Variants in ARB2A observed in about 807,000 individuals in gnomAD.
ARB2A encodes the protein ARB2 cotranscriptional regulator A, also known as cotranscriptional regulator ARB2A.
At chr5:93,959,019 A>G in the ARB2A span, 1 of 1,262,286 alleles carries the variant, frequency 7.9e-7, no homozygotes, top group South Asian at 2.1e-5. Flanking sequence ...GATCAGGCAT[A>G]CACATAAATG....
At chr5:93,752,691 A>T in the ARB2A span, among the ~76,000 whole-genome samples, 1 of 152,296 alleles carries the variant, frequency 6.6e-6, no homozygotes, top group Admixed American at 6.5e-5. Flanking sequence ...GCAAATGATT[A>T]TATATACTAG....
At chr5:94,092,431 TG>T in the ARB2A span, among the ~76,000 whole-genome samples, 1 of 152,230 alleles carries the variant, frequency 6.6e-6, no homozygotes, top group Admixed American at 6.5e-5. Context: ...TTGGATAGCA[TG>T]GTTCCTGATA....
chr5:94,052,668 T>C, the ARB2A span, among the ~76,000 whole-genome samples: 1 of 152,224 alleles, frequency 6.6e-6, no homozygotes, highest in Admixed American at 6.5e-5. Flanking sequence ...ACTGAATTAA[T>C]AAATTTTAAA....
chr5:93,657,843 T>C, the ARB2A span, among the ~76,000 whole-genome samples: 2 of 152,114 alleles, frequency 1.3e-5, no homozygotes, highest in African/African-American at 4.8e-5. Context: ...TTTGATTCAA[T>C]CCCCAGGCTG....
the ARB2A span, among the ~76,000 whole-genome samples, chr5:93,998,310 G>A: frequency 6.7e-6 from 1 of 149,330 alleles, no homozygotes; most frequent in Non-Finnish European, 1.5e-5. Context: ...AAGTCAAATA[G>A]AGTTTATCTC....
At chr5:94,029,190 C>T in the ARB2A span, among the ~76,000 whole-genome samples, 1 of 152,106 alleles carries the variant, frequency 6.6e-6, no homozygotes, top group African/African-American at 2.4e-5. Context: ...TGGGGTTTTG[C>T]CATGCTGGCC....
the ARB2A span, among the ~76,000 whole-genome samples, chr5:93,790,508 C>G: frequency 9.9e-5 from 15 of 152,162 alleles, no homozygotes; most frequent in African/African-American, 3.4e-4. Flanking sequence ...GTACTAAGAT[C>G]TGATGATTGT....
the ARB2A span, among the ~76,000 whole-genome samples, chr5:93,878,873 T>C: frequency 2.0e-5 from 3 of 152,040 alleles, no homozygotes; most frequent in African/African-American, 7.2e-5. Context: ...CTACAGTAAT[T>C]ACTAGTCCTG....
At chr5:94,003,108 C>G in the ARB2A span, among the ~76,000 whole-genome samples, 9 of 152,290 alleles carry the variant, frequency 5.9e-5, no homozygotes, top group East Asian at 1.7e-3. Context: ...ATTCCAGCTA[C>G]TGGCACCATG....
At chr5:93,945,195 G>T in the ARB2A span, among the ~76,000 whole-genome samples, 3 of 152,034 alleles carry the variant, frequency 2.0e-5, no homozygotes, top group African/African-American at 4.8e-5. Context: ...ATAATCCCAA[G>T]ACTTTGAGAG....
the ARB2A span, among the ~76,000 whole-genome samples, chr5:93,978,865 G>A: frequency 6.6e-6 from 1 of 152,056 alleles, no homozygotes; most frequent in African/African-American, 2.4e-5. Flanking sequence ...GGTGGGGTGG[G>A]GGTTGAGGGT....
At chr5:93,817,856 T>G in the ARB2A span, among the ~76,000 whole-genome samples, 13 of 152,202 alleles carry the variant, frequency 8.5e-5, no homozygotes, top group Non-Finnish European at 1.5e-4. Context: ...TTGGACTTCA[T>G]CAAAATTAAA....
At chr5:93,870,680 G>A in the ARB2A span, among the ~76,000 whole-genome samples, 3 of 152,296 alleles carry the variant, frequency 2.0e-5, no homozygotes, top group Admixed American at 2.0e-4. Flanking sequence ...ACCTACGAAG[G>A]CAGTGATACC....
the ARB2A span, among the ~76,000 whole-genome samples, chr5:93,685,603 A>C: frequency 6.6e-6 from 1 of 152,330 alleles, no homozygotes; most frequent in South Asian, 2.1e-4. Context: ...GTTCTAAAAA[A>C]TCTTAGCTGT....
the ARB2A span, among the ~76,000 whole-genome samples, chr5:93,851,473 T>G: frequency 6.6e-6 from 1 of 152,198 alleles, no homozygotes; most frequent in African/African-American, 2.4e-5. Flanking sequence ...ATTATTATAC[T>G]TTAAGTTTTA....
chr5:93,773,374 T>G, the ARB2A span, among the ~76,000 whole-genome samples: 4 of 152,310 alleles, frequency 2.6e-5, no homozygotes, highest in Admixed American at 2.0e-4. Flanking sequence ...TAGTTGCTAC[T>G]ACACAATGGG....
chr5:93,931,782 A>C, the ARB2A span, among the ~76,000 whole-genome samples: 2 of 152,136 alleles, frequency 1.3e-5, no homozygotes, highest in Non-Finnish European at 2.9e-5. Flanking sequence ...CCCTATCATA[A>C]AGCCACCCAC....
chr5:93,774,217 TG>T, the ARB2A span, among the ~76,000 whole-genome samples: 1 of 152,226 alleles, frequency 6.6e-6, no homozygotes, highest in Non-Finnish European at 1.5e-5. Context: ...ATCCCTCTCC[TG>T]GGGCCTCCCT....
the ARB2A span, chr5:93,881,617 T>A: frequency 6.2e-7 from 1 of 1,607,604 alleles, no homozygotes. Context: ...ATGATGACTG[T>A]ACGTGTATCT....
Sources: allele counts gnomAD v4.1 joint callset (sites outside exome capture counted in the v4.1 genomes callset), GRCh38; gene constraint gnomAD v4.1.1; transcripts MANE v1.5; gene names NCBI Gene and HGNC (gene_info 2026-07-23, HGNC 2026-07-21).